PTPRD: variants seen among roughly 807,000 people sequenced by gnomAD.
PTPRD encodes receptor-type tyrosine-protein phosphatase delta.
PTPRD carries 34 observed loss-of-function variants against 214.5 expected under a neutral mutation model. That is an observed-to-expected ratio of 0.16 (90% CI 0.12 to 0.21). PTPRD has a LOEUF of 0.21. Ranked by LOEUF, PTPRD falls within the 10% of genes least tolerant of loss-of-function variation. PTPRD has a pLI of 1.00. For missense variants in PTPRD, 2,545 were observed against 2,398.7 expected (o/e 1.06, Z -1.27); for synonymous variants, 1,128 against 845.7 (o/e 1.33, Z -5.79).
chr9:10,200,105 C>A (rs537380414), intron 3 of PTPRD, among the ~76,000 whole-genome samples: 1 of 152,128 alleles, frequency 6.6e-6, no homozygotes, highest in African/African-American at 2.4e-5. Context: ...TTGTGACGTG[C>A]AATATGTACT....
intron 5 of PTPRD, among the ~76,000 whole-genome samples, chr9:9,859,187 C>T (rs540308815): frequency 3.2e-4 from 49 of 152,274 alleles, no homozygotes; most frequent in African/African-American, 1.1e-3. Context: ...TGCCTTCTGC[C>T]GTGATTGTAA....
chr9:10,017,262 ATTTGTCCATTTC>A (rs920433265), intron 4 of PTPRD, among the ~76,000 whole-genome samples: 38 of 152,076 alleles, frequency 2.5e-4, no homozygotes, highest in African/African-American at 8.7e-4. Flanking sequence ...AACTTGTAAA[ATTTGTCCATTTC>A]TTTGTCCATT....
At chr9:10,076,180 C>A (rs1449552025) in intron 3 of PTPRD, among the ~76,000 whole-genome samples, 1 of 151,990 alleles carries the variant, frequency 6.6e-6, no homozygotes, top group Non-Finnish European at 1.5e-5. Flanking sequence ...GTTTGAGGGT[C>A]TACGTCTTGC....
intron 9 of PTPRD, among the ~76,000 whole-genome samples, chr9:9,280,573 A>C (rs1435477446): frequency 2.0e-5 from 3 of 151,316 alleles, no homozygotes; most frequent in Non-Finnish European, 3.0e-5. Context: ...ATCTAACAAA[A>C]TATGTATAAG....
intron 3 of PTPRD, among the ~76,000 whole-genome samples, chr9:10,255,296 C>T (rs1371528877): frequency 1.3e-5 from 2 of 152,170 alleles, no homozygotes; most frequent in Admixed American, 1.3e-4. Context: ...CAGCCTACTA[C>T]ACACCTAGGC....
intron 7 of PTPRD, among the ~76,000 whole-genome samples, chr9:9,718,836 G>C (rs2097881905): frequency 6.6e-6 from 1 of 152,212 alleles, no homozygotes; most frequent in Non-Finnish European, 1.5e-5. Context: ...CTGGGTGTCT[G>C]AGATTGGCTT....
chr9:9,187,842 T>A (rs183901189), intron 9 of PTPRD, among the ~76,000 whole-genome samples: 1 of 152,038 alleles, frequency 6.6e-6, no homozygotes, highest in East Asian at 1.9e-4. Context: ...TGTGTTTCCA[T>A]GTGACACCAT....
chr9:9,817,660 T>C (rs2049207431), intron 5 of PTPRD, among the ~76,000 whole-genome samples: 1 of 152,162 alleles, frequency 6.6e-6, no homozygotes, highest in Non-Finnish European at 1.5e-5. Flanking sequence ...CCACCCATTG[T>C]CCACAGGGAA....
chr9:8,681,293 T>C (rs771279865), intron 12 of PTPRD, among the ~76,000 whole-genome samples: 2 of 152,192 alleles, frequency 1.3e-5, no homozygotes, highest in Non-Finnish European at 2.9e-5. Context: ...ACATGTTTGT[T>C]TCTTAAAGAA....
At chr9:10,036,159 TA>T (rs1167766326) in intron 3 of PTPRD, among the ~76,000 whole-genome samples, 1 of 152,184 alleles carries the variant, frequency 6.6e-6, no homozygotes, top group Non-Finnish European at 1.5e-5. Flanking sequence ...ACAAATTTAA[TA>T]ATTATTTTAA....
chr9:10,092,478 G>A (rs1043938352), intron 3 of PTPRD, among the ~76,000 whole-genome samples: 1 of 151,168 alleles, frequency 6.6e-6, no homozygotes, highest in Non-Finnish European at 1.5e-5. Flanking sequence ...TTATATTATG[G>A]TCAAAATTAC....
At chr9:9,785,677 G>A (rs888786670) in intron 5 of PTPRD, among the ~76,000 whole-genome samples, 2 of 151,970 alleles carry the variant, frequency 1.3e-5, no homozygotes, top group Non-Finnish European at 2.9e-5. Context: ...TTGGGTGCTG[G>A]AACAGAAAAA....
At chr9:9,116,704 G>A (rs2099812678) in intron 10 of PTPRD, among the ~76,000 whole-genome samples, 1 of 151,480 alleles carries the variant, frequency 6.6e-6, no homozygotes. Flanking sequence ...AAGGGAAAGA[G>A]ATGGTTATTT....
chr9:8,324,097 T>C (rs147279156), intron 44 of PTPRD, among the ~76,000 whole-genome samples: 1 of 144,130 alleles, frequency 6.9e-6, no homozygotes, highest in African/African-American at 2.7e-5. Flanking sequence ...AGATGATGAT[T>C]AGCATTTTTT....
At chr9:10,502,906 A>G (rs1411404580) in intron 2 of PTPRD, among the ~76,000 whole-genome samples, 1 of 152,082 alleles carries the variant, frequency 6.6e-6, no homozygotes, top group African/African-American at 2.4e-5. Context: ...TATTGATAGC[A>G]ATCCCTCTAA....
intron 10 of PTPRD, among the ~76,000 whole-genome samples, chr9:9,163,884 C>T (rs2099895845): frequency 6.6e-6 from 1 of 152,132 alleles, no homozygotes; most frequent in Non-Finnish European, 1.5e-5. Context: ...CTCTCAGATT[C>T]ACTTTAGCAC....
chr9:9,775,673 G>A (rs931657152), intron 5 of PTPRD, among the ~76,000 whole-genome samples: 10 of 152,210 alleles, frequency 6.6e-5, no homozygotes, highest in Admixed American at 1.3e-4. Flanking sequence ...GCTGGTTGCG[G>A]TGGCTCACGC....
chr9:8,911,693 T>A (rs1020506080), intron 11 of PTPRD, among the ~76,000 whole-genome samples: 2 of 152,062 alleles, frequency 1.3e-5, no homozygotes, highest in African/African-American at 4.8e-5. Flanking sequence ...AAAATTTAAT[T>A]TTTTTTCTGT....
At chr9:9,445,616 G>C (rs530602772) in intron 8 of PTPRD, among the ~76,000 whole-genome samples, 1 of 152,156 alleles carries the variant, frequency 6.6e-6, no homozygotes, top group South Asian at 2.1e-4. Flanking sequence ...CCAAGCAAAG[G>C]GGGAAAATCC....
Sources: allele counts gnomAD v4.1 joint callset (sites outside exome capture counted in the v4.1 genomes callset), GRCh38; gene constraint gnomAD v4.1.1; transcripts MANE v1.5; gene names NCBI Gene and HGNC (gene_info 2026-07-23, HGNC 2026-07-21).